PCDHGA1: variants seen among roughly 807,000 people sequenced by gnomAD.
PCDHGA1 encodes the protein protocadherin gamma subfamily A, 1, also known as protocadherin gamma-A1.
Under a neutral mutation model 58.0 loss-of-function variants are expected in PCDHGA1, and 32 were observed. The observed-to-expected ratio is 0.55, with a 90% CI of 0.42 to 0.74. PCDHGA1 has a LOEUF of 0.74. Ranked by LOEUF, PCDHGA1 falls within the 30% of genes least tolerant of loss-of-function variation. PCDHGA1 has a pLI of 0.00. For synonymous variants in PCDHGA1, 498 were observed against 501.1 expected, an observed-to-expected ratio of 0.99 and a Z score of 0.08; for missense variants, 1,205 against 1,182.3, an observed-to-expected ratio of 1.02 and a Z score of -0.28.
chr5:141,331,277 G>C lies in PCDHGA1; in HGVS notation c.593G>C (p.Ser198Thr). The change falls in exon 1 of 4, where the codon AGT (serine) becomes ACT (threonine). Residue 198 changes from serine (S) to threonine (T), a missense_variant. Physicochemically the swap from Ser to Thr is moderately conservative, Grantham distance 58 (BLOSUM62 1). Coordinates refer to ENST00000517417, the MANE Select transcript of PCDHGA1 (RefSeq NM_018912.3). Reference sequence around the variant, plus strand: ...CAACATCCAGAGATGGTGCTGCAGAGTCCCTTAGACAGAGAAGAAGAAGCT... The same window carrying C: ...CAACATCCAGAGATGGTGCTGCAGACTCCCTTAGACAGAGAAGAAGAAGCT... ...GPQHPEMVLQ[S>T]PLDREEEAVH... 1.2e-6 allele frequency: 2 copies of C among 1,614,112 alleles called. No individual in the cohort carries two copies. The highest frequency in any genetic ancestry group is 2.2e-5 in the East Asian group (1 of 44,874).
intron 1 of PCDHGA1, chr5:141,410,620 G>T (rs765125633): frequency 6.2e-7 from 1 of 1,603,524 alleles, no homozygotes. Flanking sequence ...CTCTGACTTC[G>T]GTGAGTTTCT....
chr5:141,333,323 A>T (rs1412346357), intron 1 of PCDHGA1: 4 of 760,458 alleles, frequency 5.3e-6, no homozygotes, highest in Non-Finnish European at 8.2e-6. Context: ...ATCATAATGT[A>T]GGTGGTTGGG....
At chr5:141,394,151 C>T in intron 1 of PCDHGA1, 2 of 1,613,900 alleles carry the variant, frequency 1.2e-6, no homozygotes, top group Non-Finnish European at 1.7e-6. Context: ...CAGACATTAA[C>T]GACAACCCTC....
chr5:141,410,287 C>T (rs1277233674), intron 1 of PCDHGA1: 1 of 1,614,018 alleles, frequency 6.2e-7, no homozygotes, highest in East Asian at 2.2e-5. Context: ...TGGTGGTGGC[C>T]TTGGCCTTAA....
At position 141,357,494 on chromosome 5, in the gene PCDHGA1, A is replaced by G. The variant is rs371787543; in HGVS notation, c.2421+24389A>G. 1.9e-6 allele frequency: 3 copies of G among 1,614,142 alleles called. No homozygotes were observed. The African/African-American group carries it at 4.0e-5, about 22-fold the overall frequency. On this transcript the variant is annotated intron_variant, in intron 1 of 3. Coordinates refer to ENST00000517417, the MANE Select transcript of PCDHGA1 (RefSeq NM_018912.3). Reference sequence around the variant, plus strand: ...GTCTCCCTCACCGCGGACTCGCGGAAGAGTCACCTGATCTTCTCCCAACCC... The same window carrying G: ...GTCTCCCTCACCGCGGACTCGCGGAGGAGTCACCTGATCTTCTCCCAACCC...
chr5:141,476,714 C>A lies in PCDHGA1; in HGVS notation c.2422-18093C>A, dbSNP rs146188020. 1 of 1,614,154 alleles carries A rather than the reference C, an allele frequency of 6.2e-7. No homozygotes were observed. The highest frequency in any genetic ancestry group is 1.1e-5 in the South Asian group (1 of 91,078). ...CAAGTACGCGGAGCTGGTGTTGGAG[C>A]GCGCCCTGGACCGAGAACGGGAGCC... On this transcript the variant is annotated intron_variant, in intron 1 of 3. Transcript: ENST00000517417. This position sits in a 1 kb window ranked among gnomAD's most constrained non-coding sequence, Gnocchi z 7.6.
chr5:141,407,169 G>A (rs946090447), intron 1 of PCDHGA1, among the ~76,000 whole-genome samples: 3 of 152,146 alleles, frequency 2.0e-5, no homozygotes, highest in Non-Finnish European at 4.4e-5. Flanking sequence ...AATCCTTTAT[G>A]ACATACAGAC....
At chr5:141,463,981 A>G (rs1441851777) in intron 1 of PCDHGA1, among the ~76,000 whole-genome samples, 1 of 152,150 alleles carries the variant, frequency 6.6e-6, no homozygotes, top group Non-Finnish European at 1.5e-5. Context: ...ACTCCATTGT[A>G]AAAACCAGGT....
At chr5:141,340,868 C>T (rs747930597) in intron 1 of PCDHGA1, 1 of 1,613,674 alleles carries the variant, frequency 6.2e-7, no homozygotes, top group South Asian at 1.1e-5. Flanking sequence ...GCGAGCCCTG[C>T]TGGACAGAGA....
At chr5:141,356,830 A>C in intron 1 of PCDHGA1, 1 of 1,614,156 alleles carries the variant, frequency 6.2e-7, no homozygotes, top group Non-Finnish European at 8.5e-7. Flanking sequence ...TCCACTCAGC[A>C]GCAATGTGTC....
chr5:141,405,461 C>T, intron 1 of PCDHGA1: 1 of 1,220,756 alleles, frequency 8.2e-7, no homozygotes, highest in Non-Finnish European at 1.1e-6. Context: ...ACTCTGTTAC[C>T]CAGGCTGGAA....
rs146800629 is a variant in PCDHGA1 at position 141,347,267 on chromosome 5, C to T, written c.2421+14162C>T. On this transcript the variant is annotated intron_variant, in intron 1 of 3. Transcript: ENST00000517417. The stretch of plus-strand genomic sequence containing the variant: ...CTCGCAGACTCAAGTGATCCTCCCA[C>T]CTCAGCCTCCCGAGTAGCTGGGACT... 1.0e-3 allele frequency among the ~76,000 whole-genome samples: 157 copies of T among 151,962 alleles called. 1 individual carries two copies. The highest frequency in any genetic ancestry group is 2.2e-3 in the Admixed American group (34 of 15,248).
intron 1 of PCDHGA1, chr5:141,388,456 A>G: frequency 5.0e-6 from 8 of 1,613,810 alleles, no homozygotes; most frequent in Non-Finnish European, 5.9e-6. Flanking sequence ...GGCAGTAAAT[A>G]CCCTGAGATG....
At chr5:141,387,354 CA>C (rs1037365285) in intron 1 of PCDHGA1, among the ~76,000 whole-genome samples, 7 of 152,004 alleles carry the variant, frequency 4.6e-5, no homozygotes, top group African/African-American at 1.7e-4. Context: ...CGGTTTAGGC[CA>C]AGTCTGTGTT....
chr5:141,413,748 T>C (rs1264580781), intron 1 of PCDHGA1: 2 of 1,613,288 alleles, frequency 1.2e-6, no homozygotes, highest in Non-Finnish European at 1.7e-6. Context: ...GCCGTGCCAA[T>C]GGCGTCAAGT....
At position 141,432,181 on chromosome 5, in the gene PCDHGA1, G is replaced by A. The variant is rs1443322706; in HGVS notation, c.2422-62626G>A. 3.7e-6 allele frequency: 6 copies of A among 1,614,116 alleles called. No homozygotes were observed. In the South Asian group the frequency reaches 6.6e-5, roughly 18 times the overall value. On this transcript the variant is annotated intron_variant, in intron 1 of 3. Coordinates refer to ENST00000517417, the MANE Select transcript of PCDHGA1 (RefSeq NM_018912.3). This position sits in a 1 kb window ranked among gnomAD's most constrained non-coding sequence, Gnocchi z 6.0. ...CCAGAGGAGTTTCCCTCGTCTCTGTGACCGCCCACGACCCCGACTGTGAAG... is the reference window on the plus strand; with the variant it reads ...CCAGAGGAGTTTCCCTCGTCTCTGTAACCGCCCACGACCCCGACTGTGAAG...
intron 1 of PCDHGA1, chr5:141,356,287 G>A (rs1760178048): frequency 6.4e-7 from 1 of 1,556,188 alleles, no homozygotes; most frequent in African/African-American, 1.4e-5. Context: ...TTCTTCCCCG[G>A]GTACAGTAAT....
chr5:141,366,343 C>T, intron 1 of PCDHGA1: 2 of 1,613,936 alleles, frequency 1.2e-6, no homozygotes, highest in Non-Finnish European at 1.7e-6. Context: ...TCCCTGACAT[C>T]CTGGCTGACC....
At chr5:141,468,871 T>TAAG (rs796694379) in intron 1 of PCDHGA1, among the ~76,000 whole-genome samples, 1 of 148,338 alleles carries the variant, frequency 6.7e-6, no homozygotes, top group African/African-American at 2.5e-5. Flanking sequence ...ATCTCAAAAA[T>TAAG]AATAATAATA....
Sources: gnomAD v4.1 joint callset for allele counts (sites outside exome capture counted in the v4.1 genomes callset) on GRCh38, gnomAD v4.1.1 for gene constraint, Gnocchi (gnomAD v3.1) non-coding constraint, MANE v1.5 for transcripts, NCBI Gene and HGNC (gene_info 2026-07-23, HGNC 2026-07-21) for gene names.